DUOX1: variants seen among roughly 807,000 people sequenced by gnomAD.
The protein encoded by DUOX1 is NADPH thyroid oxidase 1.
In DUOX1, 134 loss-of-function variants were observed where a neutral mutation model predicts 181.8. That is an observed-to-expected ratio of 0.74 (90% confidence interval 0.64 to 0.85). The LOEUF (loss-of-function observed/expected upper bound fraction) is 0.85. Among genes scored for constraint, DUOX1 ranks in the 40% least tolerant of loss-of-function variants. The pLI is 0.00. For missense variants in DUOX1, 1,814 were observed against 2,064.4 expected (o/e 0.88, Z 2.35); for synonymous variants, 798 against 832.5 (o/e 0.96, Z 0.71).
At chr15:45,164,634 A>T in intron 33 of DUOX1, 145 bp from the exon 34 acceptor site, 1 of 860,648 alleles carries the variant, frequency 1.2e-6, no homozygotes, top group Non-Finnish European at 1.9e-6. Flanking sequence ...ATGCCTGGCT[A>T]ATTAAAAATA....
At chr15:45,161,474 A>T (rs1595597914) in intron 29 of DUOX1, among the ~76,000 whole-genome samples, 1 of 149,600 alleles carries the variant, frequency 6.7e-6, no homozygotes, top group East Asian at 2.0e-4. Context: ...GGAAGGAAGG[A>T]AGGAAAGGAA....
chr15:45,145,054 A>C lies in DUOX1; in HGVS notation c.2296A>C (p.Thr766Pro), dbSNP rs1020033435. 6.2e-7 allele frequency: 1 copy of C among 1,608,936 alleles called. No individual in the cohort carries two copies. Among genetic ancestry groups the C allele is most frequent in the African/African-American group, 1.3e-5 (1 of 74,742 alleles). The change falls in exon 18 of 34, where the codon ACC becomes CCC. Residue 766 changes from threonine (T) to proline (P), a missense_variant. Thr to Pro is a conservative substitution (Grantham distance 38). Around this residue, in one of 5 missense-constraint regions of DUOX1, gnomAD observed 1,064 missense variants for 1,152.9 expected, o/e 0.92. Coordinates refer to ENST00000389037, the MANE Select transcript of DUOX1 (RefSeq NM_175940.3). ...TREQRRHLLE[T>P]FFRHLFSQVL... is the part of the protein sequence containing the mutation. ...GGAGCAGCGGAGGCACCTCCTGGAGACCTTTTTCAGGCACCTTTTCTCCCA... is the reference window on the plus strand; with the variant it reads ...GGAGCAGCGGAGGCACCTCCTGGAGCCCTTTTTCAGGCACCTTTTCTCCCA...
chr15:45,136,212 G>A (rs1896309068), intron 7 of DUOX1, 138 bp from the exon 8 acceptor site: 1 of 1,422,096 alleles, frequency 7.0e-7, no homozygotes. Context: ...GCCTCACACT[G>A]CTCCTGTTTG....
At chr15:45,143,897 G>T (rs1896572586) in intron 16 of DUOX1, 139 bp from the exon 17 acceptor site, 2 of 746,970 alleles carry the variant, frequency 2.7e-6, no homozygotes, top group Non-Finnish European at 4.4e-6. Flanking sequence ...CTTTCAGGGA[G>T]GGAATGACTC....
rs1897112616 is a variant in DUOX1, at chr15:45,161,903, C to T, written c.4022C>T (p.Pro1341Leu). 6.2e-7 allele frequency: 1 copy of T among 1,612,728 alleles called. No homozygotes were observed. Among genetic ancestry groups the T allele is most frequent in the Non-Finnish European group, 8.5e-7 (1 of 1,179,684 alleles). ...AGCCTGCACATCCGGGCAGCAGGGC[C>T]CTGGACCACTCGCCTCAGGGAGATC... ...TLSLHIRAAG[P>L]WTTRLREIYS... The change falls in exon 30 of 34, where the codon CCC becomes CTC. Residue 1341 changes from proline (P) to leucine (L), a missense_variant. Around this residue, in one of 5 missense-constraint regions of DUOX1, gnomAD observed 279 missense variants for 381.9 expected, o/e 0.73. Transcript: ENST00000389037.
At chr15:45,141,579 G>A (rs1313450541) in intron 14 of DUOX1, among the ~76,000 whole-genome samples, 169 bp downstream of exon 14, 3 of 152,126 alleles carry the variant, frequency 2.0e-5, no homozygotes, top group Non-Finnish European at 2.9e-5. Context: ...ACTTGCAGCT[G>A]TGTAGGGTCC....
intron 9 of DUOX1, among the ~76,000 whole-genome samples, chr15:45,137,360 CAAAAAAAAAAAAAA>C (rs748162336): frequency 2.2e-5 from 1 of 46,472 alleles, no homozygotes; most frequent in Non-Finnish European, 3.6e-5. Flanking sequence ...AACTCCATCT[CAAAAAAAAAAAAAA>C]AAAAAAAAAA....
Position 45,153,806 on chromosome 15 carries a change from G to C in DUOX1, c.3525-145G>C. The C allele has an allele frequency of 2.7e-6, 2 of 740,060 alleles. 1 individual carries two copies. 45.8% of individuals were successfully genotyped at this position (740,060 alleles called of 1,614,324 possible). A position where few individuals can be genotyped will look rare whatever the true frequency, so the allele number is the denominator to read the frequency against. On this transcript the variant is annotated intron_variant, in intron 26 of 33. Transcript: ENST00000389037. ...GGAGGCTGAGGCAGGAGAATGGCTT[G>C]AAACCAGGAGGTGGAGGTTGCAGTG...
chr15:45,154,050 A>C, intron 27 of DUOX1, 50 bp downstream of exon 27: 1 of 1,582,182 alleles, frequency 6.3e-7, no homozygotes, highest in Non-Finnish European at 8.7e-7. Context: ...TGTGAGTTCA[A>C]GGCTCTGGGT....
In DUOX1 at chr15:45,130,454, C is replaced by A. The variant is rs899385210; in HGVS notation, c.-50+356C>A. Among the ~76,000 whole-genome samples, 8 of 152,300 alleles carry A rather than the reference C, an allele frequency of 5.3e-5. 1 individual carries two copies. In the South Asian group the frequency reaches 6.2e-4, roughly 12 times the overall value. ...CAGCCCTCCCTTAGGACCAAGATGG[C>A]CTTGACCCATCTTCCTCCCACCTCA... On this transcript the variant is annotated intron_variant, in intron 1 of 33. Coordinates refer to ENST00000389037, the MANE Select transcript of DUOX1 (RefSeq NM_175940.3).
chr15:45,144,917 A>C lies in DUOX1; in HGVS notation c.2159A>C (p.Glu720Ala). Residue 720 changes from glutamate to alanine, a missense_variant, in exon 18 of 34, where the codon GAA (glutamate) becomes GCA (alanine). Glu to Ala is a moderately radical substitution (Grantham distance 107). Coordinates refer to ENST00000389037, the MANE Select transcript of DUOX1 (RefSeq NM_175940.3). ...TAGGTGCTGCTGTTTAACTTGGAGGAAGAGCGGCAGGCGCTGGTGGAAAAT... is the reference window on the plus strand; with the variant it reads ...TAGGTGCTGCTGTTTAACTTGGAGGCAGAGCGGCAGGCGCTGGTGGAAAAT... ...YDLVLLFNLE[E>A]ERQALVENLR... The C allele has an allele frequency of 6.2e-7, 1 of 1,612,228 alleles. No individual in the cohort carries two copies. Among genetic ancestry groups the C allele is most frequent in the Non-Finnish European group, 8.5e-7 (1 of 1,179,362 alleles).
rs1361439583 is a variant in DUOX1 at position 45,136,004 on chromosome 15, C to T, written c.864+56C>T. ...CTTCCGCGTGCAAGCCCACGGGAGA[C>T]TCCGCTGCCCCATGGAGCTCCCCAT... On this transcript the variant is annotated intron_variant, in intron 7 of 33. Coordinates refer to ENST00000389037, the MANE Select transcript of DUOX1 (RefSeq NM_175940.3). The T allele has an allele frequency of 4.3e-6, 3 of 690,534 alleles. No homozygotes were observed. In the African/African-American group the frequency reaches 5.5e-5, roughly 13 times the overall value. 42.8% of individuals were successfully genotyped at this position (690,534 alleles called of 1,614,324 possible).
chr15:45,141,266 A>G (rs1015497621), intron 13 of DUOX1, 26 bp from the exon 14 acceptor site: 1 of 1,612,794 alleles, frequency 6.2e-7, no homozygotes, highest in Non-Finnish European at 8.5e-7. Flanking sequence ...TTCCCATCCC[A>G]GTGACTTCTA....
Position 45,151,858 on chromosome 15 carries a change from GCTTC to G in DUOX1, c.3015-13_3015-10del. The G allele has an allele frequency of 6.2e-7, 1 of 1,605,408 alleles. No individual in the cohort carries two copies. Among genetic ancestry groups the G allele is most frequent in the Non-Finnish European group, 8.5e-7 (1 of 1,174,820 alleles). Reference sequence around the variant, plus strand: ...CCCATGGTGGGTGCCAAAGGCTAAGGCTTCCTGTCTCCCAGGGTAACGTCATTCC... The same window carrying G: ...CCCATGGTGGGTGCCAAAGGCTAAGGCTGTCTCCCAGGGTAACGTCATTCC... On this transcript the variant is annotated splice_polypyrimidine_tract_variant and intron_variant, in intron 23 of 33. Transcript: ENST00000389037.
chr15:45,131,691 G>T (rs17595239), intron 1 of DUOX1: 91,959 of 472,482 alleles, frequency 0.19, 10,075 homozygotes, highest in South Asian at 0.33. Context: ...TGTTTGTTTT[G>T]TTCGTCACTT....
In DUOX1 at chr15:45,144,236, G is replaced by C; in HGVS notation, c.2136+1G>C. 2 of 1,613,912 alleles carry C rather than the reference G, an allele frequency of 1.2e-6. No homozygotes were observed. Among genetic ancestry groups the C allele is most frequent in the Non-Finnish European group, 1.7e-6 (2 of 1,180,020 alleles). ...CAAGATCCCCAAGGAGTATGACCTG[G>C]TATGGCTCAGCTGGCATCTGGCTCC... On this transcript the variant is annotated splice_donor_variant, in intron 17 of 33. Coordinates refer to ENST00000389037, the MANE Select transcript of DUOX1 (RefSeq NM_175940.3). LOFTEE classifies it high-confidence loss of function.
chr15:45,152,805 A>G (rs1896850933), intron 25 of DUOX1: 3 of 531,390 alleles, frequency 5.6e-6, no homozygotes, highest in African/African-American at 3.8e-5. Context: ...TTATGTTTTA[A>G]AGCATGACTC....
Position 45,152,360 on chromosome 15 carries a change from GCAGC to G in DUOX1, c.3273_3276del (p.Ile1093LeufsTer57). 1 of 1,614,196 alleles carries G rather than the reference GCAGC, an allele frequency of 6.2e-7. No homozygotes were observed. The highest frequency in any genetic ancestry group is 1.1e-5 in the South Asian group (1 of 91,090). The stretch of plus-strand genomic sequence containing the variant: ...GGGAATCATCCTGTCGCGGGGCACA[GCAGC>G]CAGCATCTCTTTCATGTTCTCCTAC... On this transcript the variant is annotated frameshift_variant, in exon 25 of 34. Coordinates refer to ENST00000389037, the MANE Select transcript of DUOX1 (RefSeq NM_175940.3). LOFTEE classifies it high-confidence loss of function.
chr15:45,135,635 C>T lies in DUOX1; in HGVS notation c.657C>T (p.Pro219=). The part of the protein sequence containing the change: ...SQNPLLMWAA[P]DPATGQNGPR... ...ACCCCCTGCTCATGTGGGCGGCGCC[C>T]GACCCCGCCACCGGGCAGAACGGGC... is the stretch of plus-strand genomic sequence containing the variant. The change falls in exon 6 of 34, where the codon CCC becomes CCT. Residue 219 remains proline, a synonymous_variant. Transcript: ENST00000389037. 5 of 1,545,522 alleles carry T rather than the reference C, an allele frequency of 3.2e-6. No homozygotes were observed. The highest frequency in any genetic ancestry group is 2.4e-5 in the South Asian group (2 of 83,254).
Sources: allele counts gnomAD v4.1 joint callset (sites outside exome capture counted in the v4.1 genomes callset), GRCh38; gene constraint gnomAD v4.1.1; regional missense constraint gnomAD v4.1.1; transcripts MANE v1.5; gene names NCBI Gene and HGNC (gene_info 2026-07-23, HGNC 2026-07-21).